Variants in NRG1 observed in about 807,000 individuals in gnomAD.
The protein encoded by NRG1 is pro-neuregulin-1, membrane-bound isoform.
Under a neutral mutation model 63.8 loss-of-function variants are expected in NRG1, and 18 were observed. The observed-to-expected ratio is 0.28, with a 90% CI of 0.19 to 0.42. The LOEUF (loss-of-function observed/expected upper bound fraction) is 0.42. Among genes scored for constraint, NRG1 ranks in the 10% least tolerant of loss-of-function variants. NRG1 has a pLI of 1.00. For synonymous variants in NRG1, 302 were observed against 301.3 expected (o/e 1.00, Z -0.02); for missense variants, 762 against 814.7 (o/e 0.94, Z 0.79).
chr8:32,404,990 G>A (rs746683382), intron 1 of NRG1, among the ~76,000 whole-genome samples: 25 of 152,084 alleles, frequency 1.6e-4, no homozygotes, highest in Non-Finnish European at 3.2e-4. Flanking sequence ...CTCTTTTCAC[G>A]TCAGGGGTTG....
At chr8:32,634,767 G>C (rs978994421) in intron 5 of NRG1, among the ~76,000 whole-genome samples, 8 of 152,064 alleles carry the variant, frequency 5.3e-5, no homozygotes, top group Non-Finnish European at 8.8e-5. Flanking sequence ...TGTAATTGAT[G>C]ATTTTAAAAA....
At chr8:31,818,811 A>G (rs763534819) in intron 1 of NRG1, among the ~76,000 whole-genome samples, 17 of 152,112 alleles carry the variant, frequency 1.1e-4, no homozygotes, top group Non-Finnish European at 2.4e-4. Flanking sequence ...TAATCCCAGC[A>G]CTTTGGGAGG....
chr8:32,043,535 A>G (rs73232443), intron 1 of NRG1, among the ~76,000 whole-genome samples: 1,560 of 152,154 alleles, frequency 0.01, 11 homozygotes, highest in Middle Eastern at 0.027. Context: ...ATAAATAAAT[A>G]TAGTACATAT....
intron 1 of NRG1, among the ~76,000 whole-genome samples, chr8:32,040,980 T>C (rs1193301943): frequency 1.3e-5 from 2 of 151,580 alleles, no homozygotes; most frequent in African/African-American, 4.8e-5. Context: ...ACTGTTGATG[T>C]TCTTATATTA....
intron 5 of NRG1, among the ~76,000 whole-genome samples, chr8:32,725,682 G>T (rs1821977735): frequency 6.6e-6 from 1 of 151,416 alleles, no homozygotes; most frequent in Non-Finnish European, 1.5e-5. Flanking sequence ...CACCATGTTG[G>T]TCAGGCTGGT....
intron 1 of NRG1, among the ~76,000 whole-genome samples, chr8:32,480,493 A>AAAC (rs1825120349): frequency 6.6e-6 from 1 of 151,832 alleles, no homozygotes; most frequent in East Asian, 1.9e-4. Flanking sequence ...ACAAAAACAA[A>AAAC]AAAAACAAAA....
At chr8:32,360,664 C>T (rs1029333451) in intron 1 of NRG1, among the ~76,000 whole-genome samples, 1 of 152,028 alleles carries the variant, frequency 6.6e-6, no homozygotes, top group Admixed American at 6.6e-5. Context: ...ATAAAAAGGG[C>T]CATTGAATTG....
At chr8:31,681,009 A>G (rs530232290) in intron 1 of NRG1, among the ~76,000 whole-genome samples, 199 of 152,214 alleles carry the variant, frequency 1.3e-3, no homozygotes, top group African/African-American at 4.5e-3. Context: ...CAGACAGACT[A>G]GAGGACCCAG....
chr8:32,763,493 T>C (rs888065537), intron 11 of NRG1: 19 of 1,169,042 alleles, frequency 1.6e-5, no homozygotes, highest in Non-Finnish European at 2.3e-5. Flanking sequence ...GTGATGAGAT[T>C]GAAAATCCCA....
At chr8:32,183,794 G>A (rs1841685334) in intron 1 of NRG1, among the ~76,000 whole-genome samples, 1 of 152,166 alleles carries the variant, frequency 6.6e-6, no homozygotes, top group Non-Finnish European at 1.5e-5. Context: ...GGTCTCATTA[G>A]CCACTTCAGA....
At chr8:32,463,017 T>C in intron 1 of NRG1, among the ~76,000 whole-genome samples, 1 of 143,416 alleles carries the variant, frequency 7.0e-6, no homozygotes, top group East Asian at 2.0e-4. Context: ...ATGTATTTGA[T>C]TTTTTTTTTT....
At chr8:32,329,860 T>C (rs540757272) in intron 1 of NRG1, among the ~76,000 whole-genome samples, 17 of 149,970 alleles carry the variant, frequency 1.1e-4, no homozygotes, top group Non-Finnish European at 1.8e-4. Flanking sequence ...TTTTGGGGGG[T>C]TTTGGTCTTA....
At chr8:31,690,394 T>C (rs774051419) in intron 1 of NRG1, among the ~76,000 whole-genome samples, 10 of 152,166 alleles carry the variant, frequency 6.6e-5, no homozygotes, top group East Asian at 1.9e-4. Flanking sequence ...CTTTGAGGAC[T>C]TCAAGGAGTT....
intron 1 of NRG1, among the ~76,000 whole-genome samples, chr8:31,648,688 A>T (rs1395980014): frequency 6.6e-6 from 1 of 152,180 alleles, no homozygotes; most frequent in African/African-American, 2.4e-5. Context: ...TATTTCACTT[A>T]CCATAATGTC....
rs1834051967 is a variant in NRG1 at position 32,551,277 on chromosome 8, G to A, written c.100+2451G>A. 2.0e-5 allele frequency among the ~76,000 whole-genome samples: 3 copies of A among 152,202 alleles called. No homozygotes were observed. In the South Asian group the frequency reaches 6.2e-4, roughly 32 times the overall value. ...GCCAGCCCAAATTAGGACTTAGGAG[G>A]ACAAGTTTCTCTTGTATTGCTCCCA... On this transcript the variant is annotated intron_variant, in intron 1 of 11. Transcript: ENST00000356819.
intron 1 of NRG1, among the ~76,000 whole-genome samples, chr8:31,908,571 T>C (rs2129616862): frequency 6.6e-6 from 1 of 152,296 alleles, no homozygotes; most frequent in East Asian, 1.9e-4. Flanking sequence ...TTTCCTTATG[T>C]GAAAGGTTTT....
At chr8:32,611,408 A>C (rs1028807251) in intron 3 of NRG1, among the ~76,000 whole-genome samples, 4 of 152,140 alleles carry the variant, frequency 2.6e-5, no homozygotes, top group Non-Finnish European at 4.4e-5. Context: ...AACAACCTGC[A>C]GTTATGTTGA....
intron 3 of NRG1, among the ~76,000 whole-genome samples, chr8:32,609,966 C>T (rs563609578): frequency 9.9e-5 from 15 of 151,224 alleles, no homozygotes; most frequent in South Asian, 6.3e-4. Context: ...CCATCACACC[C>T]GGTCAAGAAT....
At chr8:31,669,918 G>C (rs541306170) in intron 1 of NRG1, among the ~76,000 whole-genome samples, 10 of 152,058 alleles carry the variant, frequency 6.6e-5, no homozygotes, top group African/African-American at 2.4e-4. Flanking sequence ...GTGTCATGTT[G>C]GTGCTCAGAA....
Sources: allele counts gnomAD v4.1 joint callset (sites outside exome capture counted in the v4.1 genomes callset), GRCh38; gene constraint gnomAD v4.1.1; transcripts MANE v1.5; gene names NCBI Gene and HGNC (gene_info 2026-07-23, HGNC 2026-07-21).